TRIM5: variants seen among roughly 807,000 people sequenced by gnomAD.
The protein encoded by TRIM5 is tripartite motif containing 5.
In TRIM5, 31 loss-of-function variants were observed where a neutral mutation model predicts 35.6. The ratio of observed to expected loss-of-function variants is 0.87; its 90% CI spans 0.65 to 1.18. TRIM5 has a LOEUF of 1.18. Among genes scored for constraint, TRIM5 ranks in the 50% most tolerant of loss-of-function variants. The pLI is 0.00. For missense variants in TRIM5, 609 were observed against 591.6 expected (o/e 1.03, Z -0.31); for synonymous variants, 243 against 215.6 (o/e 1.13, Z -1.11).
chr11:5,653,754 G>T, the TRIM5 span, among the ~76,000 whole-genome samples: 7 of 152,196 alleles, frequency 4.6e-5, no homozygotes, highest in East Asian at 1.2e-3. Context: ...GCCTCCCAAA[G>T]TGTGAGGATT....
chr11:5,667,726 G>A lies in TRIM5; in HGVS notation c.745-15C>T. ...CCATCCACACCCTAGGAAGAAGAGAGAAAACATCAATTAAGAAAGAAAGAG... is the reference window on the plus strand; with the variant it reads ...CCATCCACACCCTAGGAAGAAGAGAAAAAACATCAATTAAGAAAGAAAGAG... On this transcript the variant is annotated splice_polypyrimidine_tract_variant and intron_variant, in intron 4 of 7. Transcript: ENST00000380034. The A allele has an allele frequency of 6.2e-7, 1 of 1,612,786 alleles. No homozygotes were observed. Among genetic ancestry groups the A allele is most frequent in the Non-Finnish European group, 8.5e-7 (1 of 1,179,580 alleles).
At chr11:5,639,312 G>A in the TRIM5 span, among the ~76,000 whole-genome samples, 1 of 152,104 alleles carries the variant, frequency 6.6e-6, no homozygotes, top group Non-Finnish European at 1.5e-5. Context: ...CAGTATTATA[G>A]AAACATGATT....
chr11:5,650,287 G>A, the TRIM5 span, among the ~76,000 whole-genome samples: 11 of 152,160 alleles, frequency 7.2e-5, no homozygotes, highest in African/African-American at 1.4e-4. Context: ...GCCATTGCCC[G>A]TGATTCAGTA....
chr11:5,676,674 G>A lies in TRIM5; in HGVS notation c.744+1530C>T, dbSNP rs951768849. Among the ~76,000 whole-genome samples the A allele has an allele frequency of 2.2e-3, 335 of 149,584 alleles. 2 individuals are homozygous for A. The highest frequency in any genetic ancestry group is 3.7e-3 in the Non-Finnish European group (248 of 66,946). ...ATCCTAAGCCAAAAGAACAAAGCTG[G>A]AGGCATCACACTACCTGACTTCAAA... On this transcript the variant is annotated intron_variant, in intron 4 of 7. Coordinates refer to ENST00000380034, the MANE Select transcript of TRIM5 (RefSeq NM_033034.3).
In TRIM5 at chr11:5,678,201, T is replaced by A; in HGVS notation, c.744+3A>T. On this transcript the variant is annotated splice_donor_region_variant and intron_variant, in intron 4 of 7. Transcript: ENST00000380034. The stretch of plus-strand genomic sequence containing the variant: ...AGTGCTCAGGCTTCTTTCCACTTTT[T>A]ACCTGAAGCAGCTCCATCACTGACC... The A allele has an allele frequency of 6.3e-7, 1 of 1,599,860 alleles. No homozygotes were observed. The highest frequency in any genetic ancestry group is 8.5e-7 in the Non-Finnish European group (1 of 1,170,574).
chr11:5,659,784 GA>G (rs1343137387), downstream of TRIM5, among the ~76,000 whole-genome samples: 4 of 149,338 alleles, frequency 2.7e-5, no homozygotes, highest in Non-Finnish European at 4.5e-5. Flanking sequence ...TAATTTGATT[GA>G]AATTAAATTC....
At chr11:5,604,852 A>G in the TRIM5 span, 8 of 505,582 alleles carry the variant, frequency 1.6e-5, no homozygotes, top group Non-Finnish European at 2.4e-5. Context: ...TAGCAGAGGA[A>G]CCATGGCTAG....
chr11:5,591,707 T>C, the TRIM5 span, among the ~76,000 whole-genome samples: 1 of 151,634 alleles, frequency 6.6e-6, no homozygotes, highest in South Asian at 2.1e-4. Context: ...GAGGTGATGC[T>C]GGGAGACATG....
the TRIM5 span, among the ~76,000 whole-genome samples, chr11:5,649,412 A>G: frequency 1.3e-5 from 2 of 151,992 alleles, no homozygotes; most frequent in Non-Finnish European, 2.9e-5. Flanking sequence ...GTCTTTTTTT[A>G]TTGACTTTAA....
the TRIM5 span, among the ~76,000 whole-genome samples, chr11:5,647,815 C>A: frequency 1.4e-4 from 21 of 152,190 alleles, no homozygotes; most frequent in Non-Finnish European, 1.5e-4. Flanking sequence ...ACCACCACGC[C>A]CGGCTGAGAC....
chr11:5,621,406 G>T, the TRIM5 span, among the ~76,000 whole-genome samples: 3 of 152,150 alleles, frequency 2.0e-5, no homozygotes, highest in African/African-American at 7.2e-5. Flanking sequence ...GCCAACTCTT[G>T]TTAGCCACTC....
intron 2 of TRIM5, 30 bp from the exon 3 acceptor site, chr11:5,679,199 G>C: frequency 6.3e-7 from 1 of 1,591,022 alleles, no homozygotes; most frequent in Non-Finnish European, 8.6e-7. Context: ...CCATAGTCAA[G>C]CTATGAGGTT....
At chr11:5,643,836 T>G in the TRIM5 span, 1 of 1,261,814 alleles carries the variant, frequency 7.9e-7, no homozygotes, top group Admixed American at 2.4e-5. Flanking sequence ...ATCCTTGAGA[T>G]GTATGGTGTA....
At chr11:5,592,920 AAAAAAAAAAAG>A in the TRIM5 span, among the ~76,000 whole-genome samples, 3 of 130,468 alleles carry the variant, frequency 2.3e-5, no homozygotes, top group Admixed American at 8.1e-5. Context: ...GTCTCAAAAA[AAAAAAAAAAAG>A]AAAAAAGAAA....
At chr11:5,628,925 C>T in the TRIM5 span, among the ~76,000 whole-genome samples, 1 of 152,108 alleles carries the variant, frequency 6.6e-6, no homozygotes, top group Admixed American at 6.6e-5. Flanking sequence ...CCCATCTCTG[C>T]CTCTACTGTC....
chr11:5,641,377 T>C, the TRIM5 span: 17 of 1,374,104 alleles, frequency 1.2e-5, no homozygotes, highest in Non-Finnish European at 9.5e-6. Flanking sequence ...GACTCGATCC[T>C]ATGTTAGTAA....
chr11:5,600,776 A>G, the TRIM5 span, among the ~76,000 whole-genome samples: 1 of 152,108 alleles, frequency 6.6e-6, no homozygotes, highest in East Asian at 1.9e-4. Flanking sequence ...CTCCCTACGC[A>G]CTGTGGCCTG....
the TRIM5 span, among the ~76,000 whole-genome samples, chr11:5,639,571 T>C: frequency 6.8e-6 from 1 of 148,090 alleles, no homozygotes; most frequent in Non-Finnish European, 1.5e-5. Flanking sequence ...TCCCAGGTAC[T>C]TGGGAGGCTG....
At chr11:5,624,434 G>A in the TRIM5 span, among the ~76,000 whole-genome samples, 7 of 152,070 alleles carry the variant, frequency 4.6e-5, no homozygotes, top group Non-Finnish European at 7.3e-5. Flanking sequence ...ATCTCCTAGC[G>A]GGTGACATGG....
Sources: allele counts gnomAD v4.1 joint callset (sites outside exome capture counted in the v4.1 genomes callset), GRCh38; gene constraint gnomAD v4.1.1; transcripts MANE v1.5; gene names NCBI Gene and HGNC (gene_info 2026-07-23, HGNC 2026-07-21).